The following COX7B2 variants were observed in gnomAD, a reference collection of about 807,000 sequenced individuals.
COX7B2 encodes the protein cytochrome c oxidase subunit 7B2, mitochondrial.
For missense variants in COX7B2, 109 were observed against 95.9 expected (o/e 1.14, Z -0.57); for synonymous variants, 37 against 32.1 (o/e 1.15, Z -0.51).
intron 1 of COX7B2, among the ~76,000 whole-genome samples, chr4:46,863,496 TCGC>T (rs1560425815): frequency 1.3e-5 from 2 of 152,236 alleles, no homozygotes; most frequent in Admixed American, 1.3e-4. Context: ...TAGAGAATAG[TCGC>T]CCATGTTAAA....
At chr4:46,906,353 T>C (rs1720394318) in intron 1 of COX7B2, among the ~76,000 whole-genome samples, 1 of 152,216 alleles carries the variant, frequency 6.6e-6, no homozygotes, top group South Asian at 2.1e-4. Context: ...TGTGCTCCTG[T>C]CTTTCATCAT....
At chr4:46,781,940 C>T (rs572789583) in intron 2 of COX7B2, among the ~76,000 whole-genome samples, 1 of 152,226 alleles carries the variant, frequency 6.6e-6, no homozygotes, top group African/African-American at 2.4e-5. Context: ...AAGCACCCCC[C>T]ATCCCGCCCG....
chr4:46,818,740 G>T (rs763521686), intron 2 of COX7B2, among the ~76,000 whole-genome samples: 1 of 151,972 alleles, frequency 6.6e-6, no homozygotes, highest in South Asian at 2.1e-4. Context: ...CATTATTATG[G>T]TCAGTGCCCT....
rs141082804 is a variant in COX7B2, at chr4:46,835,522, A to G, written c.-50+9438T>C. Among the ~76,000 whole-genome samples the G allele has an allele frequency of 4.5e-3, 682 of 152,258 alleles. 6 individuals are homozygous for G. The highest frequency in any genetic ancestry group is 0.016 in the African/African-American group (661 of 41,550). ...GAGTCTGACGGCTACATTTTGGGAC[A>G]GTAAGCAGGCCTAGTCCTCCTGGTG... is the stretch of plus-strand genomic sequence containing the variant. On this transcript the variant is annotated intron_variant, in intron 2 of 2. Coordinates refer to ENST00000355591, the MANE Select transcript of COX7B2 (RefSeq NM_130902.3).
chr4:46,892,700 T>C (rs540132312), intron 1 of COX7B2, among the ~76,000 whole-genome samples: 6 of 151,932 alleles, frequency 3.9e-5, no homozygotes, highest in Non-Finnish European at 7.4e-5. Flanking sequence ...AAATAAGGAG[T>C]GAAATAGGTC....
At chr4:46,787,160 T>C (rs1465947346) in intron 2 of COX7B2, among the ~76,000 whole-genome samples, 1 of 152,186 alleles carries the variant, frequency 6.6e-6, no homozygotes, top group Non-Finnish European at 1.5e-5. Flanking sequence ...ATTTAAAGAA[T>C]ATGATAGGCA....
rs189653979 is a variant in COX7B2 at position 46,802,174 on chromosome 4, C to A, written c.-50+42786G>T. Among the ~76,000 whole-genome samples the A allele has an allele frequency of 3.9e-5, 6 of 152,208 alleles. No individual in the cohort carries two copies. The East Asian group carries it at 1.2e-3, about 29-fold the overall frequency. ...ATTCAAAAAGTAGTGTCTAAGGGAC[C>A]AGTGCTTAGGCAAGAAGCAAAAAAG... On this transcript the variant is annotated intron_variant, in intron 2 of 2. Transcript: ENST00000355591.
At chr4:46,831,744 T>G (rs1163740008) in intron 2 of COX7B2, among the ~76,000 whole-genome samples, 1 of 151,940 alleles carries the variant, frequency 6.6e-6, no homozygotes, top group Non-Finnish European at 1.5e-5. Flanking sequence ...TCTGCATCTA[T>G]CTCAAGGTTT....
intron 2 of COX7B2, among the ~76,000 whole-genome samples, chr4:46,833,166 G>T (rs770711340): frequency 1.9e-4 from 29 of 152,048 alleles, no homozygotes; most frequent in Non-Finnish European, 2.1e-4. Context: ...CGGCCTCCCA[G>T]AGTGCTGGGA....
At chr4:46,904,006 A>C (rs746141047) in intron 1 of COX7B2, 28 of 152,228 alleles carry the variant, frequency 1.8e-4, no homozygotes, top group Non-Finnish European at 3.4e-4. Context: ...GAGCCAAAAG[A>C]ATAATCATCT....
At chr4:46,863,223 A>G (rs1717440591) in intron 1 of COX7B2, among the ~76,000 whole-genome samples, 1 of 152,318 alleles carries the variant, frequency 6.6e-6, no homozygotes, top group South Asian at 2.1e-4. Context: ...AAATAAAGTT[A>G]TAGATATACA....
rs531249170 is a variant in COX7B2 at position 46,768,097 on chromosome 4, G to A, written c.-49-32856C>T. Among the ~76,000 whole-genome samples the A allele has an allele frequency of 3.3e-5, 5 of 152,350 alleles. No homozygotes were observed. The South Asian group carries it at 6.2e-4, about 19-fold the overall frequency. On this transcript the variant is annotated intron_variant, in intron 2 of 2. Transcript: ENST00000355591. The stretch of plus-strand genomic sequence containing the variant: ...CATGCTCTTTAACATTGCTGTCCAC[G>A]GATTGCGTAAGTGTTAAACAGCTCA...
chr4:46,792,262 G>T (rs1718089201), intron 2 of COX7B2, among the ~76,000 whole-genome samples: 1 of 152,156 alleles, frequency 6.6e-6, no homozygotes, highest in Admixed American at 6.5e-5. Flanking sequence ...ATTCTCACAG[G>T]CAATGTTATA....
intron 2 of COX7B2, among the ~76,000 whole-genome samples, chr4:46,803,734 T>C (rs1198375155): frequency 1.1e-4 from 3 of 27,742 alleles, no homozygotes; most frequent in Non-Finnish European, 3.3e-4. Flanking sequence ...TTTACTTTCT[T>C]TTTTTTTTTT....
chr4:46,770,542 C>A lies in COX7B2; in HGVS notation c.-49-35301G>T, dbSNP rs957655427. ...AAAAGAATTCCTAAATCAATTTTGA[C>A]TGGACGCATCACACTACCTGATTTC... On this transcript the variant is annotated intron_variant, in intron 2 of 2. Transcript: ENST00000355591. Among the ~76,000 whole-genome samples the A allele has an allele frequency of 3.0e-4, 45 of 152,024 alleles. 1 individual carries two copies. Among genetic ancestry groups the A allele is most frequent in the African/African-American group, 1.1e-3 (44 of 41,420 alleles).
At chr4:46,857,170 C>T (rs527741745) in intron 1 of COX7B2, among the ~76,000 whole-genome samples, 2 of 152,282 alleles carry the variant, frequency 1.3e-5, no homozygotes, top group East Asian at 3.9e-4. Context: ...TCCCATCCAC[C>T]TCTCACTAGC....
chr4:46,794,266 T>C (rs1195161673), intron 2 of COX7B2, among the ~76,000 whole-genome samples: 2 of 152,184 alleles, frequency 1.3e-5, no homozygotes, highest in African/African-American at 4.8e-5. Flanking sequence ...TATATTGACA[T>C]GGACTCACAA....
chr4:46,747,027 A>G (rs1715060249), intron 2 of COX7B2, among the ~76,000 whole-genome samples: 1 of 152,206 alleles, frequency 6.6e-6, no homozygotes, highest in African/African-American at 2.4e-5. Context: ...CACCAAAAAT[A>G]TGAGACATCT....
At chr4:46,887,375 T>C (rs1719139707) in intron 1 of COX7B2, among the ~76,000 whole-genome samples, 1 of 152,174 alleles carries the variant, frequency 6.6e-6, no homozygotes, top group Admixed American at 6.5e-5. Flanking sequence ...GGCTCAGTCC[T>C]GGAGGATTCA....
Sources: gnomAD v4.1 joint callset for allele counts (sites outside exome capture counted in the v4.1 genomes callset) on GRCh38, gnomAD v4.1.1 for gene constraint, MANE v1.5 for transcripts, NCBI Gene and HGNC (gene_info 2026-07-23, HGNC 2026-07-21) for gene names.